PTPRD: variants seen among roughly 807,000 people sequenced by gnomAD.
The protein encoded by PTPRD is protein tyrosine phosphatase receptor type D.
PTPRD carries 34 observed loss-of-function variants against 214.5 expected under a neutral mutation model. That is an observed-to-expected ratio of 0.16 (90% CI 0.12 to 0.21). The LOEUF (loss-of-function observed/expected upper bound fraction) is 0.21. PTPRD is among the 10% of genes least tolerant of loss of function. The pLI is 1.00. For synonymous variants in PTPRD, 1,128 were observed against 845.7 expected (o/e 1.33, Z -5.79); for missense variants, 2,545 against 2,398.7 (o/e 1.06, Z -1.27).
At chr9:9,656,695 T>C (rs1564359553) in intron 7 of PTPRD, among the ~76,000 whole-genome samples, 1 of 152,194 alleles carries the variant, frequency 6.6e-6, no homozygotes, top group Non-Finnish European at 1.5e-5. Flanking sequence ...TAATGGTGGA[T>C]ACATCATTAA....
At position 9,186,152 on chromosome 9, in the gene PTPRD, T is replaced by C. The variant is rs954121745; in HGVS notation, c.-202-2789A>G. ...ATAAATTCTCATGAACAGAAGAAAA[T>C]GGATTTTCAGCAAGTAATTTGGCTC... On this transcript the variant is annotated intron_variant, in intron 9 of 45. Transcript: ENST00000381196. 3.3e-5 allele frequency among the ~76,000 whole-genome samples: 5 copies of C among 152,138 alleles called. No individual in the cohort carries two copies. The East Asian group carries it at 9.7e-4, about 30-fold the overall frequency.
At chr9:8,397,701 A>G (rs1314755519) in intron 36 of PTPRD, among the ~76,000 whole-genome samples, 1 of 152,208 alleles carries the variant, frequency 6.6e-6, no homozygotes, top group African/African-American at 2.4e-5. Flanking sequence ...CAAATGGTGG[A>G]TAACATTACA....
At chr9:9,494,162 T>G (rs550497845) in intron 8 of PTPRD, among the ~76,000 whole-genome samples, 36 of 152,306 alleles carry the variant, frequency 2.4e-4, no homozygotes, top group African/African-American at 8.4e-4. Context: ...AGGAGTTGCT[T>G]CTTATAAGTG....
chr9:9,815,802 G>T (rs2048574469), intron 5 of PTPRD, among the ~76,000 whole-genome samples: 1 of 152,088 alleles, frequency 6.6e-6, no homozygotes, highest in Non-Finnish European at 1.5e-5. Context: ...CTTATAAGAC[G>T]AATAAGTTCT....
intron 11 of PTPRD, among the ~76,000 whole-genome samples, chr9:8,878,148 A>T (rs908987158): frequency 6.6e-6 from 1 of 152,226 alleles, no homozygotes; most frequent in African/African-American, 2.4e-5. Context: ...CTTATTTCTC[A>T]GGAAGTCATT....
chr9:8,523,681 A>G (rs1481725267), intron 18 of PTPRD, among the ~76,000 whole-genome samples, 157 bp from the exon 19 acceptor site: 1 of 152,178 alleles, frequency 6.6e-6, no homozygotes, highest in East Asian at 1.9e-4. Flanking sequence ...CTCAGCTGGA[A>G]AAGTTAGCAA....
chr9:9,063,288 G>C (rs774649320), intron 10 of PTPRD, among the ~76,000 whole-genome samples: 2 of 152,118 alleles, frequency 1.3e-5, no homozygotes, highest in Non-Finnish European at 2.9e-5. Context: ...TAATTCTGTA[G>C]TTCATGCTAA....
At chr9:9,390,421 T>A (rs568411634) in intron 9 of PTPRD, among the ~76,000 whole-genome samples, 1 of 152,182 alleles carries the variant, frequency 6.6e-6, no homozygotes, top group Non-Finnish European at 1.5e-5. Flanking sequence ...CATGAAATAC[T>A]CGTCCACTCT....
chr9:9,547,796 T>TCACACACACA (rs35772205), intron 8 of PTPRD, among the ~76,000 whole-genome samples: 13,487 of 142,314 alleles, frequency 0.095, 650 homozygotes, highest in East Asian at 0.14. Flanking sequence ...AAACACAAAT[T>TCACACACACA]CACACACACA....
At chr9:9,588,182 T>C (rs1031560188) in intron 7 of PTPRD, among the ~76,000 whole-genome samples, 3 of 151,752 alleles carry the variant, frequency 2.0e-5, no homozygotes, top group Non-Finnish European at 4.4e-5. Context: ...CCTGCAAGGA[T>C]TTTAACCATA....
intron 11 of PTPRD, among the ~76,000 whole-genome samples, chr9:8,777,243 G>C (rs553026700): frequency 2.6e-5 from 4 of 152,086 alleles, no homozygotes; most frequent in East Asian, 1.9e-4. Flanking sequence ...ACCTCCCAAA[G>C]AGTAAATTAT....
In PTPRD at chr9:9,388,242, G is replaced by T. The variant is rs529254557; in HGVS notation, c.-203+9207C>A. ...GGGTCTTGGGTTTTTATAGGCCCAG[G>T]ATGGGGGTTGTGGCAGGCCAGGGTG... On this transcript the variant is annotated intron_variant, in intron 9 of 45. Transcript: ENST00000381196. Among the ~76,000 whole-genome samples the T allele has an allele frequency of 1.7e-3, 257 of 152,196 alleles. 2 individuals are homozygous for T. Among genetic ancestry groups the T allele is most frequent in the African/African-American group, 5.9e-3 (246 of 41,534 alleles).
At chr9:8,677,136 ACTGATTTT>A (rs2097439804) in intron 12 of PTPRD, among the ~76,000 whole-genome samples, 1 of 152,228 alleles carries the variant, frequency 6.6e-6, no homozygotes. Context: ...GAAACACAGA[ACTGATTTT>A]CAGGTTCCAC....
intron 8 of PTPRD, among the ~76,000 whole-genome samples, chr9:9,427,069 G>C (rs1268677262): frequency 6.6e-6 from 1 of 152,210 alleles, no homozygotes; most frequent in African/African-American, 2.4e-5. Context: ...TGACTGACAA[G>C]TTGAGAGAAG....
chr9:9,113,064 A>T (rs1341824959), intron 10 of PTPRD, among the ~76,000 whole-genome samples: 1 of 151,568 alleles, frequency 6.6e-6, no homozygotes, highest in Non-Finnish European at 1.5e-5. Context: ...ACCTGGACCC[A>T]AGTGATCCTC....
intron 10 of PTPRD, among the ~76,000 whole-genome samples, chr9:9,065,756 T>C (rs752175542): frequency 9.9e-5 from 15 of 152,170 alleles, no homozygotes; most frequent in Admixed American, 8.5e-4. Flanking sequence ...CTTGAAATGA[T>C]ACATTAATGT....
At chr9:9,773,382 C>T (rs1000211942) in intron 5 of PTPRD, among the ~76,000 whole-genome samples, 3 of 152,138 alleles carry the variant, frequency 2.0e-5, no homozygotes, top group African/African-American at 7.2e-5. Context: ...AATGTGGTAA[C>T]TGCTTCACTC....
At chr9:10,482,109 C>A (rs565604070) in intron 2 of PTPRD, among the ~76,000 whole-genome samples, 1 of 152,044 alleles carries the variant, frequency 6.6e-6, no homozygotes, top group Non-Finnish European at 1.5e-5. Context: ...CGGTGGCTCA[C>A]GCCTGTAATC....
chr9:8,933,005 C>G (rs549863568), intron 11 of PTPRD, among the ~76,000 whole-genome samples: 1 of 152,170 alleles, frequency 6.6e-6, no homozygotes, highest in African/African-American at 2.4e-5. Context: ...GTGTAGGCAC[C>G]AGAGAGAATC....
Sources: allele counts gnomAD v4.1 joint callset (sites outside exome capture counted in the v4.1 genomes callset), GRCh38; gene constraint gnomAD v4.1.1; transcripts MANE v1.5; gene names NCBI Gene and HGNC (gene_info 2026-07-23, HGNC 2026-07-21).